FAM228B: variants seen among roughly 807,000 people sequenced by gnomAD.
FAM228B encodes the protein family with sequence similarity 228 member B, also known as protein FAM228B.
Under a neutral mutation model 42.6 loss-of-function variants are expected in FAM228B, and 38 were observed. The ratio of observed to expected loss-of-function variants is 0.89; its 90% CI spans 0.69 to 1.17. FAM228B has a LOEUF of 1.17. Among genes scored for constraint, FAM228B ranks in the 50% most tolerant of loss-of-function variants. The pLI is 0.00. For missense variants in FAM228B, 344 were observed against 367.3 expected (o/e 0.94, Z 0.52); for synonymous variants, 109 against 122.3 (o/e 0.89, Z 0.72).
intron 7 of FAM228B, among the ~76,000 whole-genome samples, chr2:24,158,736 C>G (rs1667220778): frequency 6.6e-6 from 1 of 152,094 alleles, no homozygotes; most frequent in Admixed American, 6.5e-5. Context: ...CAAGGGAATT[C>G]TAGATTTTGG....
At chr2:24,135,215 A>C in intron 3 of FAM228B, 28 bp downstream of exon 3, 22 of 1,246,480 alleles carry the variant, frequency 1.8e-5, no homozygotes, top group African/African-American at 3.1e-5. Context: ...AATGCATCTC[A>C]GTTAAAAATT....
At chr2:24,082,964 G>A in intron 2 of FAM228B, 2 of 1,614,146 alleles carry the variant, frequency 1.2e-6, no homozygotes, top group Non-Finnish European at 1.7e-6. Context: ...ATCCCTCTGG[G>A]ATAGGCATGA....
intron 3 of FAM228B, among the ~76,000 whole-genome samples, 187 bp downstream of exon 3, chr2:24,135,374 T>C (rs1213577479): frequency 1.3e-5 from 2 of 152,224 alleles, no homozygotes; most frequent in East Asian, 3.8e-4. Context: ...TCCCTTCCTA[T>C]ACTTTGTGGG....
chr2:24,157,473 C>G (rs1241416668), intron 7 of FAM228B, among the ~76,000 whole-genome samples: 1 of 152,066 alleles, frequency 6.6e-6, no homozygotes, highest in Non-Finnish European at 1.5e-5. Flanking sequence ...CATGGTGGCT[C>G]ACATCTATAA....
chr2:24,134,288 G>A (rs1666525971), intron 2 of FAM228B, among the ~76,000 whole-genome samples: 1 of 152,136 alleles, frequency 6.6e-6, no homozygotes, highest in Non-Finnish European at 1.5e-5. Context: ...AAGAACAGGA[G>A]ATTGAATAGA....
At chr2:24,166,187 C>G (rs1473138279) in intron 9 of FAM228B, 1 of 151,506 alleles carries the variant, frequency 6.6e-6, no homozygotes, top group Non-Finnish European at 1.5e-5. Flanking sequence ...TGAGATAGCC[C>G]AGCCTACCAT....
Position 24,137,892 on chromosome 2 carries a change from C to A in FAM228B, c.169-17C>A. 6.7e-7 allele frequency: 1 copy of A among 1,489,686 alleles called. No individual in the cohort carries two copies. The highest frequency in any genetic ancestry group is 1.3e-5 in the South Asian group (1 of 74,922). 92.3% of individuals were successfully genotyped at this position (1,489,686 alleles called of 1,614,324 possible). On this transcript the variant is annotated splice_polypyrimidine_tract_variant and intron_variant, in intron 3 of 10. Transcript: ENST00000615575. Reference sequence around the variant, plus strand: ...CTTTAGGATAATATATTTGTCTTTTCTACCACTGTTTACTAGGAACTAGAT... The same window carrying A: ...CTTTAGGATAATATATTTGTCTTTTATACCACTGTTTACTAGGAACTAGAT...
At chr2:24,142,633 C>T (rs1278332389) in intron 5 of FAM228B, 1 of 152,150 alleles carries the variant, frequency 6.6e-6, no homozygotes, top group African/African-American at 2.4e-5. Context: ...GAATGACTTA[C>T]AAACTATAGT....
intron 2 of FAM228B, among the ~76,000 whole-genome samples, chr2:24,133,773 A>G (rs950623204): frequency 1.3e-5 from 2 of 152,182 alleles, no homozygotes; most frequent in African/African-American, 4.8e-5. Flanking sequence ...ACTGGGCATG[A>G]TGGTGGCTCA....
At chr2:24,134,000 T>G (rs1480273843) in intron 2 of FAM228B, among the ~76,000 whole-genome samples, 1 of 152,154 alleles carries the variant, frequency 6.6e-6, no homozygotes, top group African/African-American at 2.4e-5. Context: ...ATTATATTTA[T>G]GTCAATACTG....
At chr2:24,115,896 G>A (rs1157675040) in intron 3 of FAM228B, among the ~76,000 whole-genome samples, 2 of 121,818 alleles carry the variant, frequency 1.6e-5, no homozygotes, top group African/African-American at 3.1e-5. Flanking sequence ...AGTATGAATT[G>A]GGTTCCCATG....
intron 7 of FAM228B, among the ~76,000 whole-genome samples, chr2:24,158,725 A>C (rs1361184426): frequency 6.6e-6 from 1 of 152,194 alleles, no homozygotes; most frequent in East Asian, 1.9e-4. Flanking sequence ...ATATGATGAC[A>C]CAAGGGAATT....
chr2:24,132,464 G>GTTTTTTTTTTTTTTTTT (rs548264853), intron 2 of FAM228B, among the ~76,000 whole-genome samples: 1 of 55,984 alleles, frequency 1.8e-5, no homozygotes, highest in Non-Finnish European at 3.6e-5. Flanking sequence ...TCCTGGGATT[G>GTTTTTTTTTTTTTTTTT]TTTTTTTTTT....
At chr2:24,087,876 A>C (rs765982995) in intron 2 of FAM228B, among the ~76,000 whole-genome samples, 16 of 148,680 alleles carry the variant, frequency 1.1e-4, no homozygotes, top group South Asian at 4.2e-4. Context: ...CTATAGATGC[A>C]CGCTGCCACG....
chr2:24,161,521 G>T lies in FAM228B; in HGVS notation c.702G>T (p.Val234=). 6.5e-7 allele frequency: 1 copy of T among 1,536,504 alleles called. No individual in the cohort carries two copies. The highest frequency in any genetic ancestry group is 2.4e-5 in the East Asian group (1 of 40,856). ...CTTGTTAAAGGTTAAAGGTGAAAGT[G>T]AATTTTAATGACTGTAGTTTTGATT... ...FCRRRRLKVK[V]NFNDCSFDLK... is the part of the protein sequence containing the mutation. Residue 234 remains valine (V), a synonymous_variant, in exon 8 of 11, where the codon GTG becomes GTT. Transcript: ENST00000615575.
intron 2 of FAM228B, among the ~76,000 whole-genome samples, chr2:24,090,189 A>C (rs575781987): frequency 8.3e-4 from 124 of 148,714 alleles, no homozygotes; most frequent in Non-Finnish European, 1.6e-3. Context: ...AATGGCGTGA[A>C]CCCGGGAGGC....
rs1184637066 is a variant in FAM228B at position 24,142,962 on chromosome 2, C to T, written c.441+3512C>T. On this transcript the variant is annotated intron_variant, in intron 5 of 10. Coordinates refer to ENST00000615575, the MANE Select transcript of FAM228B (RefSeq NM_001145710.2). Reference sequence around the variant, plus strand: ...TTCCCCCAAATGTTACAAAATTACGCGTGGGAAAAAGATTCATTCGAAGTG... The same window carrying T: ...TTCCCCCAAATGTTACAAAATTACGTGTGGGAAAAAGATTCATTCGAAGTG... Among the ~76,000 whole-genome samples, 3 of 152,124 alleles carry T rather than the reference C, an allele frequency of 2.0e-5. 1 individual carries two copies. The South Asian group carries it at 6.2e-4, about 32-fold the overall frequency.
chr2:24,166,821 G>T (rs1050018965), intron 9 of FAM228B, among the ~76,000 whole-genome samples: 2 of 152,110 alleles, frequency 1.3e-5, no homozygotes, highest in Admixed American at 6.5e-5. Flanking sequence ...CAGGGAGTGA[G>T]GCGTGGAGAG....
chr2:24,121,130 T>G, upstream of FAM228B: 1 of 1,609,290 alleles, frequency 6.2e-7, no homozygotes, highest in Non-Finnish European at 8.5e-7. Context: ...TTCTTTTCTT[T>G]TACTCAGCTC....
Sources: allele counts gnomAD v4.1 joint callset (sites outside exome capture counted in the v4.1 genomes callset), GRCh38; gene constraint gnomAD v4.1.1; transcripts MANE v1.5; gene names NCBI Gene and HGNC (gene_info 2026-07-23, HGNC 2026-07-21).